Variants in OSMR observed in about 807,000 individuals in gnomAD.
OSMR encodes oncostatin M receptor.
Under a neutral mutation model 99.9 loss-of-function variants are expected in OSMR, and 81 were observed. The observed-to-expected ratio is 0.81, with a 90% confidence interval of 0.68 to 0.97. The LOEUF (loss-of-function observed/expected upper bound fraction) is 0.97, where lower values mean the gene tolerates loss of function less well. Ranked by LOEUF, OSMR falls within the 50% of genes least tolerant of loss-of-function variation. OSMR has a pLI of 0.00. For synonymous variants in OSMR, 406 were observed against 410.4 expected (o/e 0.99, Z 0.13); for missense variants, 1,099 against 1,153.4 (o/e 0.95, Z 0.68).
rs1486568531 is a variant in OSMR at position 38,885,409 on chromosome 5, G to T, written c.764G>T (p.Cys255Phe). 1 of 1,613,794 alleles carries T rather than the reference G, an allele frequency of 6.2e-7. No individual in the cohort carries two copies. The highest frequency in any genetic ancestry group is 1.3e-5 in the African/African-American group (1 of 74,924). The change falls in exon 6 of 18, where the codon TGT becomes TTT. Residue 255 changes from cysteine to phenylalanine, a missense_variant. Cys to Phe is a radical substitution (Grantham distance 205). Coordinates refer to ENST00000274276, the MANE Select transcript of OSMR (RefSeq NM_003999.3). ...CETEDFKTLH[C>F]TWDPGTDTAL... ...ACCGAGGACTTCAAGACTTTGCACT[G>T]TACTTGGGATCCTGGGACGGACACT...
intron 9 of OSMR, among the ~76,000 whole-genome samples, chr5:38,907,339 T>C (rs566488646): frequency 2.0e-5 from 3 of 152,230 alleles, no homozygotes; most frequent in South Asian, 4.2e-4. Flanking sequence ...TCATGGACAA[T>C]TGGACTGGCA....
downstream of OSMR, chr5:38,938,862 A>C (rs45622440): frequency 4.3e-6 from 1 of 233,134 alleles, no homozygotes; most frequent in Non-Finnish European, 8.5e-6. Context: ...GGAAAATCTG[A>C]AATGTTGGTT....
intron 7 of OSMR, among the ~76,000 whole-genome samples, chr5:38,887,960 G>T (rs553520719): frequency 6.6e-6 from 1 of 151,938 alleles, no homozygotes; most frequent in African/African-American, 2.4e-5. Flanking sequence ...TCTTCGTTTC[G>T]CGCCGGTTTG....
At chr5:38,921,542 T>C in intron 11 of OSMR, 73 bp from the exon 12 acceptor site, 1 of 1,608,240 alleles carries the variant, frequency 6.2e-7, no homozygotes, top group Non-Finnish European at 8.5e-7. Flanking sequence ...ATGTATTTAC[T>C]TTCTACCTTA....
chr5:38,900,477 C>A (rs909801801), intron 7 of OSMR, among the ~76,000 whole-genome samples: 2 of 152,096 alleles, frequency 1.3e-5, no homozygotes, highest in African/African-American at 4.8e-5. Flanking sequence ...ATCGATGGAG[C>A]CTTCTCTTTA....
chr5:38,907,096 A>C (rs1745287161), intron 9 of OSMR, among the ~76,000 whole-genome samples: 1 of 152,216 alleles, frequency 6.6e-6, no homozygotes, highest in Admixed American at 6.5e-5. Flanking sequence ...AAAGAAGTCA[A>C]ACTCTCTTTG....
chr5:38,863,914 A>G (rs1468218310), intron 1 of OSMR, among the ~76,000 whole-genome samples: 1 of 144,978 alleles, frequency 6.9e-6, no homozygotes, highest in Non-Finnish European at 1.6e-5. Context: ...TACATATAAC[A>G]ACTTTCTTTT....
chr5:38,863,974 C>T (rs1016872484), intron 1 of OSMR, among the ~76,000 whole-genome samples: 10 of 152,146 alleles, frequency 6.6e-5, no homozygotes, highest in Admixed American at 1.3e-4. Flanking sequence ...CAGCTACTCT[C>T]ACTTGCTTTT....
intron 7 of OSMR, among the ~76,000 whole-genome samples, chr5:38,896,090 C>T (rs895738997): frequency 2.0e-5 from 3 of 151,966 alleles, no homozygotes; most frequent in South Asian, 2.1e-4. Flanking sequence ...AATGTGATTC[C>T]TCCAGTTTAG....
intron 1 of OSMR, among the ~76,000 whole-genome samples, chr5:38,861,277 A>C (rs1741277514): frequency 1.3e-5 from 2 of 151,026 alleles, no homozygotes; most frequent in Admixed American, 6.5e-5. Context: ...GGCCTTCCGC[A>C]GTGTTTGTGT....
In OSMR at chr5:38,884,011, T is replaced by C. The variant is rs1209567856; in HGVS notation, c.603T>C (p.Asn201=). ...CACATGTAACTGCATTCAACTTGAA[T>C]AGTGTGCCTTTCATTAGGAATAAAG... The part of the protein sequence containing the change: ...LDPHVTAFNL[N]SVPFIRNKGT... The change falls in exon 5 of 18, where the codon AAT becomes AAC. Residue 201 remains asparagine, a synonymous_variant. Coordinates refer to ENST00000274276, the MANE Select transcript of OSMR (RefSeq NM_003999.3). The C allele has an allele frequency of 1.3e-5, 21 of 1,613,298 alleles. No individual in the cohort carries two copies. The highest frequency in any genetic ancestry group is 2.2e-5 in the East Asian group (1 of 44,862).
chr5:38,923,127 A>C (rs748597843), intron 12 of OSMR, 23 bp from the exon 13 acceptor site: 5 of 1,612,266 alleles, frequency 3.1e-6, no homozygotes. Flanking sequence ...GTTATTAAAA[A>C]TCTGTTGACT....
chr5:38,883,806 G>A, intron 4 of OSMR, 21 bp from the exon 5 acceptor site: 2 of 1,612,058 alleles, frequency 1.2e-6, no homozygotes, highest in Non-Finnish European at 1.7e-6. Context: ...ATTCTAACTT[G>A]GCTATTTTTT....
intron 2 of OSMR, among the ~76,000 whole-genome samples, chr5:38,875,208 C>T (rs1742719833): frequency 6.6e-6 from 1 of 152,138 alleles, no homozygotes; most frequent in Non-Finnish European, 1.5e-5. Context: ...ACCTTTGTAC[C>T]ACTCCCAGTT....
intron 7 of OSMR, among the ~76,000 whole-genome samples, chr5:38,891,936 A>G (rs1194972470): frequency 6.6e-6 from 1 of 152,092 alleles, no homozygotes; most frequent in Non-Finnish European, 1.5e-5. Context: ...TGCAGATCAC[A>G]TGATCCCCCA....
chr5:38,937,076 C>T (rs1398820165), downstream of OSMR, among the ~76,000 whole-genome samples: 3 of 152,188 alleles, frequency 2.0e-5, no homozygotes, highest in Non-Finnish European at 4.4e-5. This position sits in a 1 kb window ranked among gnomAD's most constrained non-coding sequence, Gnocchi z 4.0. Flanking sequence ...GCTCTGTCGC[C>T]CAGGCTGGAG....
intron 7 of OSMR, among the ~76,000 whole-genome samples, chr5:38,897,834 T>A (rs559109023): frequency 6.6e-6 from 1 of 152,298 alleles, no homozygotes; most frequent in Admixed American, 6.5e-5. Flanking sequence ...ATCATTTGTT[T>A]CAAGAAATTT....
At chr5:38,857,264 T>A in intron 1 of OSMR, among the ~76,000 whole-genome samples, 1 of 152,082 alleles carries the variant, frequency 6.6e-6, no homozygotes, top group Non-Finnish European at 1.5e-5. Flanking sequence ...TTTAAATTTA[T>A]GAGATGAGAT....
chr5:38,868,745 C>T (rs1742139706), intron 1 of OSMR: 2 of 152,216 alleles, frequency 1.3e-5, no homozygotes, highest in Admixed American at 1.3e-4. Flanking sequence ...ATGCTCTTTT[C>T]ATGTCAAAGG....
Sources: gnomAD v4.1 joint callset for allele counts (sites outside exome capture counted in the v4.1 genomes callset) on GRCh38, gnomAD v4.1.1 for gene constraint, Gnocchi (gnomAD v3.1) non-coding constraint, MANE v1.5 for transcripts, NCBI Gene and HGNC (gene_info 2026-07-23, HGNC 2026-07-21) for gene names.